Variants in COMMD10 observed in about 807,000 individuals in gnomAD.
COMMD10 encodes the protein COMM domain containing 10, also known as COMM domain-containing protein 10.
Under a neutral mutation model 28.9 loss-of-function variants are expected in COMMD10, and 33 were observed. That is an observed-to-expected ratio of 1.14 (90% CI 0.87 to 1.53). The LOEUF is 1.53. COMMD10 is among the 40% of genes most tolerant of loss of function. COMMD10 has a pLI of 0.00. For synonymous variants in COMMD10, 110 were observed against 81.7 expected (o/e 1.35, Z -1.87); for missense variants, 310 against 233.4 (o/e 1.33, Z -2.14).
intron 5 of COMMD10, among the ~76,000 whole-genome samples, chr5:116,203,890 A>T (rs1435171619): frequency 6.6e-6 from 1 of 152,160 alleles, no homozygotes; most frequent in Admixed American, 6.5e-5. Context: ...ACACATAACA[A>T]TATTAACTTT....
intron 4 of COMMD10, among the ~76,000 whole-genome samples, chr5:116,130,412 C>T (rs1751825536): frequency 6.6e-6 from 1 of 151,868 alleles, no homozygotes; most frequent in African/African-American, 2.4e-5. Context: ...TATCCGGGGA[C>T]TGAGAATACA....
intron 5 of COMMD10, among the ~76,000 whole-genome samples, chr5:116,248,636 G>T (rs1183694315): frequency 1.3e-5 from 2 of 151,890 alleles, no homozygotes; most frequent in African/African-American, 4.8e-5. Flanking sequence ...CTTCTGTATA[G>T]CAGTTATTCA....
chr5:116,169,683 C>A (rs1159712430), intron 5 of COMMD10, among the ~76,000 whole-genome samples: 2 of 152,176 alleles, frequency 1.3e-5, no homozygotes, highest in African/African-American at 4.8e-5. Context: ...GCTGGTTCAA[C>A]ATATGCAAAT....
intron 5 of COMMD10, among the ~76,000 whole-genome samples, chr5:116,255,280 A>C (rs1443863869): frequency 6.6e-6 from 1 of 151,538 alleles, no homozygotes; most frequent in African/African-American, 2.4e-5. Flanking sequence ...TTTTAGTTGG[A>C]GCATTTAGTC....
Position 116,270,009 on chromosome 5 carries a change from C to G in COMMD10, c.511-21508C>G, listed in dbSNP as rs191478720. On this transcript the variant is annotated intron_variant, in intron 5 of 6. Coordinates refer to ENST00000274458, the MANE Select transcript of COMMD10 (RefSeq NM_016144.4). ...ATTTTTATTGTTATTTTCTGACTTT[C>G]AAGCCTTCTAATCTAAGGTTAGTAA... Among the ~76,000 whole-genome samples the G allele has an allele frequency of 1.8e-3, 265 of 149,754 alleles. 2 individuals are homozygous for G. The highest frequency in any genetic ancestry group is 6.2e-3 in the African/African-American group (250 of 40,252).
intron 5 of COMMD10, among the ~76,000 whole-genome samples, chr5:116,185,939 G>GGATGAA (rs1467677927): frequency 2.6e-5 from 4 of 152,052 alleles, no homozygotes; most frequent in Admixed American, 2.6e-4. Flanking sequence ...CTCTGACCCT[G>GGATGAA]GATGAATGTT....
At chr5:116,096,401 T>C (rs1160855288) in intron 4 of COMMD10, among the ~76,000 whole-genome samples, 22 of 151,930 alleles carry the variant, frequency 1.4e-4, no homozygotes, top group Non-Finnish European at 2.4e-4. Context: ...GGCTTATTGA[T>C]AGTATATGGA....
intron 5 of COMMD10, among the ~76,000 whole-genome samples, chr5:116,151,427 A>G (rs1485569796): frequency 6.6e-6 from 1 of 152,108 alleles, no homozygotes. Context: ...TAGTTTCAGA[A>G]GGAGTGGTAC....
chr5:116,175,718 G>A (rs945978203), intron 5 of COMMD10, among the ~76,000 whole-genome samples: 3 of 152,118 alleles, frequency 2.0e-5, no homozygotes, highest in Admixed American at 1.3e-4. Flanking sequence ...TCTGCCATAC[G>A]TTGCAACATG....
Position 116,133,615 on chromosome 5 carries a change from G to A in COMMD10, c.400-453G>A, listed in dbSNP as rs147436874. 4.6e-3 allele frequency among the ~76,000 whole-genome samples: 701 copies of A among 152,230 alleles called. 4 individuals carry two copies. Among genetic ancestry groups the A allele is most frequent in the Non-Finnish European group, 6.4e-3 (436 of 68,020 alleles). On this transcript the variant is annotated intron_variant, in intron 4 of 6. Transcript: ENST00000274458. ...AAAAGAAAAAAAGCAAATCTTACCT[G>A]TATAGTACCTACGCAAAGATTTTGG...
Position 116,134,152 on chromosome 5 carries a change from C to T in COMMD10, c.484C>T (p.Leu162Phe), listed in dbSNP as rs1428721632. Residue 162 changes from leucine (L) to phenylalanine (F), a missense_variant, in exon 5 of 7, where the codon CTC (leucine) becomes TTC (phenylalanine). Coordinates refer to ENST00000274458, the MANE Select transcript of COMMD10 (RefSeq NM_016144.4). ...KLKSPQAVLQ[L>F]GVNNEDSKSL... The stretch of plus-strand genomic sequence containing the variant: ...AAAATCTCCTCAAGCTGTGTTACAA[C>T]TCGGAGTGAACAATGAAGATTCAAA... 4 of 1,606,434 alleles carry T rather than the reference C, an allele frequency of 2.5e-6. No homozygotes were observed. Among genetic ancestry groups the T allele is most frequent in the Non-Finnish European group, 3.4e-6 (4 of 1,173,070 alleles).
At chr5:116,169,687 T>C (rs778843579) in intron 5 of COMMD10, among the ~76,000 whole-genome samples, 3 of 152,142 alleles carry the variant, frequency 2.0e-5, no homozygotes, top group Non-Finnish European at 2.9e-5. Flanking sequence ...GTTCAACATA[T>C]GCAAATGAAT....
At chr5:116,253,749 T>TA (rs1310446832) in intron 5 of COMMD10, among the ~76,000 whole-genome samples, 2 of 149,098 alleles carry the variant, frequency 1.3e-5, no homozygotes, top group African/African-American at 5.1e-5. Flanking sequence ...GATATTGGTC[T>TA]AAAATTCTCT....
intron 5 of COMMD10, among the ~76,000 whole-genome samples, chr5:116,178,345 C>T (rs1040516517): frequency 6.6e-6 from 1 of 152,078 alleles, no homozygotes; most frequent in Admixed American, 6.6e-5. Flanking sequence ...TCTTAAGATT[C>T]TGCGATTAAT....
At chr5:116,289,492 A>G (rs376284678) in intron 5 of COMMD10, among the ~76,000 whole-genome samples, 1 of 151,844 alleles carries the variant, frequency 6.6e-6, no homozygotes, top group Non-Finnish European at 1.5e-5. Context: ...GTGGAACTGC[A>G]GCTCTAATAT....
intron 5 of COMMD10, among the ~76,000 whole-genome samples, chr5:116,137,506 G>C (rs1269582150): frequency 6.6e-6 from 1 of 151,872 alleles, no homozygotes; most frequent in Non-Finnish European, 1.5e-5. Context: ...TATTTTATAG[G>C]GTAGTTATCC....
intron 5 of COMMD10, among the ~76,000 whole-genome samples, 180 bp from the exon 6 acceptor site, chr5:116,291,337 A>C (rs1294336859): frequency 6.6e-6 from 1 of 152,202 alleles, no homozygotes; most frequent in African/African-American, 2.4e-5. Context: ...ACCTTTTGCT[A>C]GAGTGTTATT....
intron 5 of COMMD10, among the ~76,000 whole-genome samples, chr5:116,215,532 C>T (rs1749070863): frequency 6.6e-6 from 1 of 151,354 alleles, no homozygotes; most frequent in South Asian, 2.1e-4. Context: ...ACTAAAAATA[C>T]AAAAATGAGC....
intron 5 of COMMD10, among the ~76,000 whole-genome samples, chr5:116,136,784 A>G (rs1180551019): frequency 6.6e-6 from 1 of 152,186 alleles, no homozygotes; most frequent in Admixed American, 6.5e-5. Flanking sequence ...ACATTGATTA[A>G]TCTTATAACT....
Sources: gnomAD v4.1 joint callset for allele counts (sites outside exome capture counted in the v4.1 genomes callset) on GRCh38, gnomAD v4.1.1 for gene constraint, MANE v1.5 for transcripts, NCBI Gene and HGNC (gene_info 2026-07-23, HGNC 2026-07-21) for gene names.